Variants in NRG3 observed in about 807,000 individuals in gnomAD.
NRG3 encodes pro-neuregulin-3, membrane-bound isoform.
NRG3 carries 31 observed loss-of-function variants against 66.9 expected under a neutral mutation model. That is an observed-to-expected ratio of 0.46 (90% CI 0.35 to 0.63). The LOEUF (loss-of-function observed/expected upper bound fraction) is 0.63, where lower values mean the gene tolerates loss of function less well. Among genes scored for constraint, NRG3 ranks in the 20% least tolerant of loss-of-function variants. The pLI, the probability that NRG3 is intolerant of heterozygous loss-of-function variation, is 0.00. For synonymous variants in NRG3, 393 were observed against 359.4 expected (o/e 1.09, Z -1.06); for missense variants, 910 against 878.9 (o/e 1.04, Z -0.45).
intron 3 of NRG3, among the ~76,000 whole-genome samples, chr10:82,820,789 C>G (rs983046175): frequency 2.4e-4 from 36 of 152,174 alleles, no homozygotes; most frequent in Non-Finnish European, 3.1e-4. Context: ...TTCAGAACAT[C>G]AACTCTTAGC....
At chr10:82,477,141 T>C (rs968492356) in intron 2 of NRG3, among the ~76,000 whole-genome samples, 2 of 152,048 alleles carry the variant, frequency 1.3e-5, no homozygotes, top group African/African-American at 4.8e-5. Flanking sequence ...GGATTCCATA[T>C]GGAGAACCAT....
At chr10:82,145,702 T>A (rs2132699335) in intron 1 of NRG3, among the ~76,000 whole-genome samples, 1 of 152,330 alleles carries the variant, frequency 6.6e-6, no homozygotes, top group East Asian at 1.9e-4. Flanking sequence ...CAACTGTAGC[T>A]GAAATAATTT....
At chr10:82,061,793 G>C (rs1418271391) in intron 1 of NRG3, among the ~76,000 whole-genome samples, 1 of 150,394 alleles carries the variant, frequency 6.6e-6, no homozygotes, top group African/African-American at 2.5e-5. Flanking sequence ...CCTTTTTTCT[G>C]TCTGTCTCCC....
At chr10:82,449,825 T>C (rs561045583) in intron 2 of NRG3, among the ~76,000 whole-genome samples, 1 of 152,108 alleles carries the variant, frequency 6.6e-6, no homozygotes, top group East Asian at 1.9e-4. Context: ...TCAAGGGCAG[T>C]GTAAAGAGTG....
chr10:82,946,527 G>C (rs974110546), intron 4 of NRG3, among the ~76,000 whole-genome samples: 7 of 151,306 alleles, frequency 4.6e-5, no homozygotes, highest in African/African-American at 1.5e-4. Context: ...GACAGAGCAG[G>C]ACTCTGCCTC....
intron 1 of NRG3, among the ~76,000 whole-genome samples, chr10:82,305,894 G>A (rs924366748): frequency 5.3e-5 from 8 of 152,172 alleles, no homozygotes; most frequent in African/African-American, 1.9e-4. Context: ...AAGAATACTG[G>A]TGACTGGGGA....
intron 3 of NRG3, among the ~76,000 whole-genome samples, chr10:82,770,738 G>C (rs970358845): frequency 6.6e-6 from 1 of 152,194 alleles, no homozygotes; most frequent in Non-Finnish European, 1.5e-5. Context: ...AATGTAGGCT[G>C]AGATTGGAGA....
chr10:82,153,411 T>TTGTGTGTGTA lies in NRG3; in HGVS notation c.824-205319_824-205318insATGTGTGTGT, dbSNP rs2070932605. Among the ~76,000 whole-genome samples the TTGTGTGTGTA allele has an allele frequency of 2.0e-5, 3 of 146,632 alleles. No homozygotes were observed. The South Asian group carries it at 6.6e-4, about 32-fold the overall frequency. Reference sequence around the variant, plus strand: ...TTGTGTAAGGCTATATAGTATTCCATTGTGTGTGTGTGTGTGTGTGTGTGT... The same window carrying TTGTGTGTGTA: ...TTGTGTAAGGCTATATAGTATTCCATTGTGTGTGTATGTGTGTGTGTGTGTGTGTGTGTGT... On this transcript the variant is annotated intron_variant, in intron 1 of 8. Coordinates refer to ENST00000372141, the MANE Select transcript of NRG3 (RefSeq NM_001010848.4).
At chr10:82,646,546 G>A (rs1021969012) in intron 2 of NRG3, among the ~76,000 whole-genome samples, 1 of 152,284 alleles carries the variant, frequency 6.6e-6, no homozygotes, top group Admixed American at 6.5e-5. Flanking sequence ...TCCCATTACA[G>A]TAAATTACGA....
chr10:82,400,112 A>G (rs550373402), intron 2 of NRG3, among the ~76,000 whole-genome samples: 22 of 152,344 alleles, frequency 1.4e-4, no homozygotes, highest in Admixed American at 1.0e-3. Context: ...AAAGCAAAGC[A>G]TAGATAACAT....
At chr10:82,973,483 CT>C (rs996047562) in intron 6 of NRG3, among the ~76,000 whole-genome samples, 3 of 152,044 alleles carry the variant, frequency 2.0e-5, no homozygotes, top group African/African-American at 7.2e-5. Context: ...TTGTAAGTGC[CT>C]TTTGGCTGTC....
intron 7 of NRG3, among the ~76,000 whole-genome samples, chr10:82,974,163 C>A (rs563886562): frequency 6.6e-6 from 1 of 150,842 alleles, no homozygotes; most frequent in South Asian, 2.1e-4. Context: ...AAGTTACAGA[C>A]CAGTAAAAAA....
At chr10:82,261,100 C>T (rs745879784) in intron 1 of NRG3, among the ~76,000 whole-genome samples, 4 of 151,890 alleles carry the variant, frequency 2.6e-5, no homozygotes, top group Non-Finnish European at 4.4e-5. Flanking sequence ...TGGCTGTGTC[C>T]CCACCCAAAA....
rs141757836 is a variant in NRG3, at chr10:82,026,414, G to A, written c.823+150251G>A. Among the ~76,000 whole-genome samples the A allele has an allele frequency of 5.9e-5, 9 of 152,198 alleles. No homozygotes were observed. The East Asian group carries it at 1.7e-3, about 29-fold the overall frequency. ...AAGGATGCATTATAAAAGATGGAGT[G>A]CTAGAAAAAGCTAAAGTGCTCTTCA... On this transcript the variant is annotated intron_variant, in intron 1 of 8. Transcript: ENST00000372141.
chr10:82,608,167 C>A (rs1590856311), intron 2 of NRG3, among the ~76,000 whole-genome samples: 1 of 152,214 alleles, frequency 6.6e-6, no homozygotes, highest in Non-Finnish European at 1.5e-5. Context: ...TTGAAGACTT[C>A]CATTCTGAAT....
rs150875990 is a variant in NRG3, at chr10:82,313,135, G to A, written c.824-45604G>A. ...AGAGGTTGCAGTGAACCGAGGTTGC[G>A]CCACTGCACTCTACCTGACAGAGCG... On this transcript the variant is annotated intron_variant, in intron 1 of 8. Transcript: ENST00000372141. Among the ~76,000 whole-genome samples, 11 of 152,016 alleles carry A rather than the reference G, an allele frequency of 7.2e-5. No homozygotes were observed. The East Asian group carries it at 9.7e-4, about 13-fold the overall frequency.
At chr10:82,748,769 G>T (rs2058742769) in intron 3 of NRG3, among the ~76,000 whole-genome samples, 1 of 150,128 alleles carries the variant, frequency 6.7e-6, no homozygotes, top group African/African-American at 2.4e-5. Context: ...TTAATGTGTG[G>T]AAACTGAGAA....
intron 2 of NRG3, among the ~76,000 whole-genome samples, chr10:82,611,760 T>A (rs1335307091): frequency 1.3e-5 from 2 of 152,292 alleles, no homozygotes; most frequent in African/African-American, 4.8e-5. Context: ...GTAGCATGAT[T>A]TATAATCCTT....
intron 2 of NRG3, among the ~76,000 whole-genome samples, chr10:82,421,748 C>T (rs1247472890): frequency 6.6e-6 from 1 of 152,012 alleles, no homozygotes; most frequent in Non-Finnish European, 1.5e-5. Flanking sequence ...TTAGTGAGAG[C>T]AAGCTCATTC....
Sources: gnomAD v4.1 joint callset for allele counts (sites outside exome capture counted in the v4.1 genomes callset) on GRCh38, gnomAD v4.1.1 for gene constraint, MANE v1.5 for transcripts, NCBI Gene and HGNC (gene_info 2026-07-23, HGNC 2026-07-21) for gene names.